The following KIRREL1 variants were observed in gnomAD, a reference collection of about 807,000 sequenced individuals.
KIRREL1 encodes the protein kirre like nephrin family adhesion molecule 1.
In KIRREL1, 25 loss-of-function variants were observed where a neutral mutation model predicts 83.3. The ratio of observed to expected loss-of-function variants is 0.30; its 90% confidence interval spans 0.22 to 0.42. The LOEUF (loss-of-function observed/expected upper bound fraction) is 0.42, where lower values mean the gene tolerates loss of function less well. KIRREL1 is among the 10% of genes least tolerant of loss of function. KIRREL1 has a pLI of 1.00. For missense variants in KIRREL1, 812 were observed against 1,032.3 expected (o/e 0.79, Z 2.92); for synonymous variants, 388 against 410.4 (o/e 0.95, Z 0.66).
At chr1:158,056,819 G>A (rs140011677) in intron 1 of KIRREL1, among the ~76,000 whole-genome samples, 2 of 152,154 alleles carry the variant, frequency 1.3e-5, no homozygotes, top group Non-Finnish European at 2.9e-5. Flanking sequence ...GAGCTATGGG[G>A]CTCACTCCTG....
chr1:158,003,630 C>T (rs1185241706), intron 1 of KIRREL1, among the ~76,000 whole-genome samples: 2 of 152,112 alleles, frequency 1.3e-5, no homozygotes, highest in African/African-American at 4.8e-5. Flanking sequence ...CCAGCATTCA[C>T]CCCCGGGGCA....
chr1:158,093,493 A>C (rs770748594), intron 12 of KIRREL1, 47 bp downstream of exon 12: 29 of 1,607,544 alleles, frequency 1.8e-5, no homozygotes, highest in Middle Eastern at 3.3e-4. Flanking sequence ...TGGCTCTTCC[A>C]GGGCCATGAC....
intron 1 of KIRREL1, among the ~76,000 whole-genome samples, chr1:158,018,798 C>T (rs1318598619): frequency 2.0e-5 from 3 of 152,140 alleles, no homozygotes; most frequent in African/African-American, 4.8e-5. Context: ...TTGTGGCAAG[C>T]GTTTAAATCC....
At chr1:158,087,617 T>A (rs1662052997) in intron 5 of KIRREL1, 138 bp from the exon 6 acceptor site, 2 of 616,242 alleles carry the variant, frequency 3.2e-6, no homozygotes, top group South Asian at 2.2e-5. Flanking sequence ...AGACAGTGTG[T>A]TAACTGGAGC....
intron 1 of KIRREL1, among the ~76,000 whole-genome samples, chr1:158,031,749 G>A (rs1314691454): frequency 6.6e-6 from 1 of 152,176 alleles, no homozygotes; most frequent in Admixed American, 6.5e-5. Context: ...GATCCCAGTT[G>A]CTTGGAGGGA....
intron 4 of KIRREL1, 87 bp from the exon 5 acceptor site, chr1:158,086,509 C>G (rs7367384): frequency 0.43 from 595,758 of 1,390,700 alleles, 135,054 homozygotes; most frequent in East Asian, 0.73. Context: ...CCCCTCCAGC[C>G]CAAGCCCATC....
At chr1:158,000,188 A>G (rs937167574) in intron 1 of KIRREL1, among the ~76,000 whole-genome samples, 2 of 152,224 alleles carry the variant, frequency 1.3e-5, no homozygotes, top group African/African-American at 4.8e-5. Flanking sequence ...ATGTATTCAC[A>G]CATGCCTTCA....
At chr1:158,088,706 G>A (rs113787141) in intron 8 of KIRREL1, among the ~76,000 whole-genome samples, 2 of 151,470 alleles carry the variant, frequency 1.3e-5, no homozygotes, top group Non-Finnish European at 2.9e-5. Context: ...GGATGGTCTC[G>A]ATCTCCTGAC....
At chr1:158,073,966 C>T (rs1390872900) in intron 1 of KIRREL1, among the ~76,000 whole-genome samples, 2 of 152,196 alleles carry the variant, frequency 1.3e-5, no homozygotes, top group Non-Finnish European at 2.9e-5. Flanking sequence ...ACTCTTAAGC[C>T]CTTGACTTGG....
At chr1:158,061,866 T>A (rs1466154379) in intron 1 of KIRREL1, among the ~76,000 whole-genome samples, 1 of 152,100 alleles carries the variant, frequency 6.6e-6, no homozygotes, top group East Asian at 1.9e-4. Context: ...ATTTGAAGGT[T>A]GCATAGCAGG....
chr1:158,008,449 C>T (rs1659581773), intron 1 of KIRREL1, among the ~76,000 whole-genome samples: 1 of 152,076 alleles, frequency 6.6e-6, no homozygotes, highest in Non-Finnish European at 1.5e-5. Flanking sequence ...GGTTGGTGGC[C>T]AGAAAGCTTA....
intron 1 of KIRREL1, among the ~76,000 whole-genome samples, chr1:157,997,132 C>T (rs536939976): frequency 1.3e-5 from 2 of 152,256 alleles, no homozygotes; most frequent in East Asian, 1.9e-4. Flanking sequence ...TTGATGAGCG[C>T]GCTGCAGTGC....
At chr1:158,023,115 C>T (rs971800457) in intron 1 of KIRREL1, among the ~76,000 whole-genome samples, 3 of 152,304 alleles carry the variant, frequency 2.0e-5, no homozygotes, top group South Asian at 2.1e-4. Context: ...CCTTTTTCTT[C>T]GGGCCTTGGA....
chr1:158,076,397 C>T lies in KIRREL1; in HGVS notation c.202+135C>T, dbSNP rs563432262. The T allele has an allele frequency of 6.4e-6, 5 of 777,972 alleles. No individual in the cohort carries two copies. In the African/African-American group the frequency reaches 8.6e-5, roughly 13 times the overall value. 48.2% of individuals were successfully genotyped at this position (777,972 alleles called of 1,614,324 possible). A position where few individuals can be genotyped will look rare whatever the true frequency, so the allele number is the denominator to read the frequency against. On this transcript the variant is annotated intron_variant, in intron 2 of 14. Coordinates refer to ENST00000359209, the MANE Select transcript of KIRREL1 (RefSeq NM_018240.7). ...CTGTGCCACAGCCTCCCCTCTGTCT[C>T]TGCTACTGAGCTCCATTTCTACAGC...
chr1:158,055,504 C>T (rs1661030826), intron 1 of KIRREL1, among the ~76,000 whole-genome samples: 1 of 152,198 alleles, frequency 6.6e-6, no homozygotes, highest in African/African-American at 2.4e-5. Context: ...TTTCCCCAAC[C>T]TCATGGGCAA....
At chr1:158,063,584 G>T (rs1000637392) in intron 1 of KIRREL1, among the ~76,000 whole-genome samples, 1 of 152,150 alleles carries the variant, frequency 6.6e-6, no homozygotes, top group Admixed American at 6.5e-5. Context: ...TTTCCAGCTT[G>T]CCCATCCCAT....
chr1:158,088,751 T>C (rs1662101046), intron 8 of KIRREL1, among the ~76,000 whole-genome samples: 1 of 152,158 alleles, frequency 6.6e-6, no homozygotes. Flanking sequence ...CCCAAAGTGC[T>C]GGGATTACAG....
intron 1 of KIRREL1, among the ~76,000 whole-genome samples, chr1:158,032,095 A>C (rs994257435): frequency 2.2e-5 from 1 of 45,074 alleles, no homozygotes; most frequent in Non-Finnish European, 8.3e-5. Flanking sequence ...AAAGAAAAGA[A>C]AAGAAAAACA....
At chr1:158,065,752 C>T (rs1010109891) in intron 1 of KIRREL1, among the ~76,000 whole-genome samples, 3 of 152,128 alleles carry the variant, frequency 2.0e-5, no homozygotes, top group African/African-American at 4.8e-5. Flanking sequence ...TTTCTTCAAC[C>T]TAGAAGCTCA....
Sources: allele counts gnomAD v4.1 joint callset (sites outside exome capture counted in the v4.1 genomes callset), GRCh38; gene constraint gnomAD v4.1.1; transcripts MANE v1.5; gene names NCBI Gene and HGNC (gene_info 2026-07-23, HGNC 2026-07-21).